The following KIAA1549L variants were observed in gnomAD, a reference collection of about 807,000 sequenced individuals.
The protein encoded by KIAA1549L is KIAA1549 like, also known as UPF0606 protein KIAA1549L.
KIAA1549L carries 88 observed loss-of-function variants against 160.7 expected under a neutral mutation model. That is an observed-to-expected ratio of 0.55 (90% confidence interval 0.46 to 0.65). The LOEUF (loss-of-function observed/expected upper bound fraction) is 0.65. KIAA1549L is among the 30% of genes least tolerant of loss of function. KIAA1549L has a pLI of 0.00. For synonymous variants in KIAA1549L, 950 were observed against 976.7 expected (o/e 0.97, Z 0.51); for missense variants, 2,258 against 2,437.5 (o/e 0.93, Z 1.55).
intron 1 of KIAA1549L, among the ~76,000 whole-genome samples, chr11:33,440,649 A>C (rs1028252993): frequency 4.6e-5 from 7 of 152,222 alleles, no homozygotes; most frequent in African/African-American, 1.7e-4. Flanking sequence ...AAAATTCACT[A>C]ATCAGTCATT....
chr11:33,522,825 G>A (rs181512948), intron 1 of KIAA1549L, among the ~76,000 whole-genome samples: 10 of 152,030 alleles, frequency 6.6e-5, no homozygotes, highest in Admixed American at 1.3e-4. Flanking sequence ...CTTGGTCCTA[G>A]GAGTTCAAGG....
At chr11:33,509,079 T>C (rs1245214745) in intron 1 of KIAA1549L, among the ~76,000 whole-genome samples, 4 of 152,210 alleles carry the variant, frequency 2.6e-5, no homozygotes, top group Non-Finnish European at 5.9e-5. Context: ...ATAAAGATTT[T>C]CACTGGCTTG....
intron 16 of KIAA1549L, among the ~76,000 whole-genome samples, chr11:33,636,689 A>G (rs1022371152): frequency 6.6e-6 from 1 of 152,194 alleles, no homozygotes; most frequent in Non-Finnish European, 1.5e-5. Flanking sequence ...TTGTTCTTTT[A>G]TTATTAGCTA....
chr11:33,573,183 C>A (rs2133244720), intron 9 of KIAA1549L, among the ~76,000 whole-genome samples: 1 of 152,206 alleles, frequency 6.6e-6, no homozygotes, highest in African/African-American at 2.4e-5. Flanking sequence ...AAGAAAGATG[C>A]AGAATTTAAA....
intron 1 of KIAA1549L, among the ~76,000 whole-genome samples, chr11:33,483,865 A>G (rs1004686732): frequency 6.6e-6 from 1 of 152,172 alleles, no homozygotes; most frequent in Non-Finnish European, 1.5e-5. Context: ...CTTTTTCTTT[A>G]TAAATTACCC....
intron 1 of KIAA1549L, among the ~76,000 whole-genome samples, chr11:33,382,707 A>G (rs888402703): frequency 2.0e-5 from 3 of 152,162 alleles, no homozygotes; most frequent in Non-Finnish European, 4.4e-5. Flanking sequence ...AAAGATTCTT[A>G]CAAGATGTCC....
At chr11:33,570,324 T>C (rs533790709) in intron 9 of KIAA1549L, among the ~76,000 whole-genome samples, 6 of 152,258 alleles carry the variant, frequency 3.9e-5, no homozygotes, top group Non-Finnish European at 7.4e-5. Context: ...TTCTAAGAGC[T>C]CAGTGCACTT....
chr11:33,483,089 C>T (rs1482831483), intron 1 of KIAA1549L, among the ~76,000 whole-genome samples: 2 of 152,002 alleles, frequency 1.3e-5, no homozygotes, highest in Admixed American at 1.3e-4. Context: ...CTCCTGTCTC[C>T]TCCTCCTCCT....
At chr11:33,486,769 A>G (rs1202568517) in intron 1 of KIAA1549L, among the ~76,000 whole-genome samples, 1 of 152,124 alleles carries the variant, frequency 6.6e-6, no homozygotes, top group East Asian at 1.9e-4. Flanking sequence ...TCTATGAATA[A>G]CTCAACCAAG....
intron 1 of KIAA1549L, among the ~76,000 whole-genome samples, chr11:33,452,929 TC>T (rs1253015868): frequency 2.6e-5 from 4 of 152,306 alleles, no homozygotes; most frequent in African/African-American, 9.6e-5. Context: ...GTGAGAGCTT[TC>T]CTTCCTGCGG....
chr11:33,475,695 C>CAA (rs11376263), intron 1 of KIAA1549L, among the ~76,000 whole-genome samples: 4,887 of 139,592 alleles, frequency 0.035, 252 homozygotes, highest in African/African-American at 0.11. Flanking sequence ...CTCGCTCTCT[C>CAA]AAAAAAAAAA....
chr11:33,625,899 C>A (rs1178561268), intron 16 of KIAA1549L, among the ~76,000 whole-genome samples: 5 of 151,384 alleles, frequency 3.3e-5, no homozygotes, highest in Non-Finnish European at 7.4e-5. Flanking sequence ...TTAGGTCTAA[C>A]GTTTAAGTCT....
chr11:33,479,818 G>T (rs1289154940), intron 1 of KIAA1549L, among the ~76,000 whole-genome samples: 2 of 152,116 alleles, frequency 1.3e-5, no homozygotes, highest in Admixed American at 6.5e-5. Flanking sequence ...GGGAAGAAAA[G>T]AAAGAAGAAA....
chr11:33,621,028 A>G (rs987770094), intron 16 of KIAA1549L, among the ~76,000 whole-genome samples: 2 of 152,228 alleles, frequency 1.3e-5, no homozygotes, highest in African/African-American at 4.8e-5. Flanking sequence ...AGCCCTGCCA[A>G]AATATCCAGT....
chr11:33,606,016 G>T (rs1220184080), intron 13 of KIAA1549L, among the ~76,000 whole-genome samples: 2 of 152,164 alleles, frequency 1.3e-5, no homozygotes, highest in African/African-American at 2.4e-5. Flanking sequence ...TTAATTAGGG[G>T]AGTTGTCTGT....
At chr11:33,388,345 GGGGT>G (rs143621973) in intron 1 of KIAA1549L, among the ~76,000 whole-genome samples, 2,445 of 152,256 alleles carry the variant, frequency 0.016, 54 homozygotes, top group African/African-American at 0.056. Flanking sequence ...GAATAGCGTA[GGGGT>G]AACTGCCCCC....
intron 1 of KIAA1549L, among the ~76,000 whole-genome samples, chr11:33,523,347 T>G (rs1853540658): frequency 6.6e-6 from 1 of 152,244 alleles, no homozygotes; most frequent in Admixed American, 6.5e-5. Context: ...AGTGTATGCG[T>G]ATGCCCTGTG....
rs1350962606 is a variant in KIAA1549L, at chr11:33,671,818, T to G, written c.*3664T>G. Reference sequence around the variant, plus strand: ...TATAACAGATACTGTCTTAAAAGTTTAAAAACAGGATTTGTACTTAATCCT... The same window carrying G: ...TATAACAGATACTGTCTTAAAAGTTGAAAAACAGGATTTGTACTTAATCCT... On this transcript the variant is annotated 3_prime_UTR_variant, in exon 21 of 21. Coordinates refer to ENST00000658780, the MANE Select transcript of KIAA1549L (RefSeq NM_012194.3). 1 of 152,222 alleles carries G rather than the reference T, an allele frequency of 6.6e-6. No individual in the cohort carries two copies. Among genetic ancestry groups the G allele is most frequent in the Non-Finnish European group, 1.5e-5 (1 of 68,020 alleles). 9.4% of individuals were successfully genotyped at this position (152,222 alleles called of 1,614,324 possible). A position where few individuals can be genotyped will look rare whatever the true frequency, so the allele number is the denominator to read the frequency against.
At chr11:33,403,204 C>G (rs1012922146) in intron 1 of KIAA1549L, 9 of 144,586 alleles carry the variant, frequency 6.2e-5, no homozygotes, top group Non-Finnish European at 1.0e-4. Context: ...TACACAGACA[C>G]ACGCACCCAC....
Sources: allele counts gnomAD v4.1 joint callset (sites outside exome capture counted in the v4.1 genomes callset), GRCh38; gene constraint gnomAD v4.1.1; transcripts MANE v1.5; gene names NCBI Gene and HGNC (gene_info 2026-07-23, HGNC 2026-07-21).